Variants in EXOC4 observed in about 807,000 individuals in gnomAD.
The protein encoded by EXOC4 is SEC8-like 1.
Under a neutral mutation model 107.2 loss-of-function variants are expected in EXOC4, and 71 were observed. The observed-to-expected ratio is 0.66, with a 90% CI of 0.55 to 0.81. The LOEUF (loss-of-function observed/expected upper bound fraction) is 0.81. EXOC4 is among the 30% of genes least tolerant of loss of function. EXOC4 has a pLI of 0.00. For synonymous variants in EXOC4, 456 were observed against 441.2 expected (o/e 1.03, Z -0.42); for missense variants, 1,108 against 1,189.6 (o/e 0.93, Z 1.01).
intron 11 of EXOC4, among the ~76,000 whole-genome samples, chr7:133,861,063 C>T (rs1276954638): frequency 6.6e-6 from 1 of 152,134 alleles, no homozygotes; most frequent in Non-Finnish European, 1.5e-5. Context: ...AACAAAACAA[C>T]CTCATCAGCT....
At chr7:133,636,036 A>G (rs532909016) in intron 10 of EXOC4, among the ~76,000 whole-genome samples, 93 of 152,314 alleles carry the variant, frequency 6.1e-4, no homozygotes, top group African/African-American at 2.2e-3. Flanking sequence ...TATGAGAGAG[A>G]GAGAAACTAG....
chr7:133,263,362 T>TA (rs1793625136), intron 1 of EXOC4, among the ~76,000 whole-genome samples: 1 of 150,584 alleles, frequency 6.6e-6, no homozygotes, highest in South Asian at 2.1e-4. Context: ...ATATGTTTTT[T>TA]AAAAAAGCAT....
chr7:133,799,029 T>C (rs1430732149), intron 10 of EXOC4, among the ~76,000 whole-genome samples: 3 of 152,154 alleles, frequency 2.0e-5, no homozygotes, highest in Non-Finnish European at 4.4e-5. Context: ...ATCTCTGTCA[T>C]AGAGTTCCAG....
intron 12 of EXOC4, among the ~76,000 whole-genome samples, chr7:133,912,689 G>C (rs1593171): frequency 0.62 from 94,595 of 151,648 alleles, 31,952 homozygotes; most frequent in African/African-American, 0.9. Flanking sequence ...ACTAGGGACA[G>C]AAAAACTAAG....
In EXOC4 at chr7:133,792,569, A is replaced by AAAC. The variant is rs1377958120; in HGVS notation, c.1515-24754_1515-24753insCAA. Among the ~76,000 whole-genome samples the AAAC allele has an allele frequency of 7.3e-5, 11 of 151,490 alleles. 1 individual carries two copies. The highest frequency in any genetic ancestry group is 1.2e-4 in the African/African-American group (5 of 41,254). On this transcript the variant is annotated intron_variant, in intron 10 of 17. Transcript: ENST00000253861. ...CCCTGTCTCCAAAAAAAAAAAAAAAAAAAACCTAAAAGGTACTTTTTACAT... is the reference window on the plus strand; with the variant it reads ...CCCTGTCTCCAAAAAAAAAAAAAAAAAACAAAACCTAAAAGGTACTTTTTACAT...
chr7:134,025,576 C>T (rs1795121539), intron 17 of EXOC4, among the ~76,000 whole-genome samples: 1 of 152,168 alleles, frequency 6.6e-6, no homozygotes, highest in South Asian at 2.1e-4. Flanking sequence ...CTGGAGCATC[C>T]GGAATGGCTT....
rs5887629 is a variant in EXOC4 at position 133,446,015 on chromosome 7, T to TAA, written c.1183-29298_1183-29297dup. Among the ~76,000 whole-genome samples the TAA allele has an allele frequency of 4.1e-3, 581 of 141,904 alleles. 2 individuals are homozygous for TAA. The highest frequency in any genetic ancestry group is 9.2e-3 in the African/African-American group (357 of 38,660). The allele number at this position is 141,904 out of a possible 152,430, so 93.1% of individuals were successfully genotyped here. Reference sequence around the variant, plus strand: ...TGGGTGACAGAACGGAACCCTGTCTTAAAAAAAAAAAAAAAAGATGACTGA... The same window carrying TAA: ...TGGGTGACAGAACGGAACCCTGTCTTAAAAAAAAAAAAAAAAAAGATGACTGA... On this transcript the variant is annotated intron_variant, in intron 7 of 17. Transcript: ENST00000253861.
At chr7:133,879,721 G>A (rs1020191285) in intron 11 of EXOC4, among the ~76,000 whole-genome samples, 1 of 152,094 alleles carries the variant, frequency 6.6e-6, no homozygotes, top group Admixed American at 6.5e-5. Context: ...AGATTTTGAA[G>A]TATCATAGAC....
At chr7:133,739,874 C>A (rs762468990) in intron 10 of EXOC4, among the ~76,000 whole-genome samples, 3 of 152,136 alleles carry the variant, frequency 2.0e-5, no homozygotes, top group Non-Finnish European at 2.9e-5. Flanking sequence ...TCTCATAATA[C>A]CTGGATGATG....
chr7:133,346,496 A>C (rs1795786639), intron 5 of EXOC4, among the ~76,000 whole-genome samples: 1 of 152,170 alleles, frequency 6.6e-6, no homozygotes, highest in Admixed American at 6.5e-5. Flanking sequence ...TGGATATGTT[A>C]AGAGTGTGAA....
intron 6 of EXOC4, among the ~76,000 whole-genome samples, chr7:133,374,306 T>C (rs1584863909): frequency 6.6e-6 from 1 of 152,164 alleles, no homozygotes; most frequent in African/African-American, 2.4e-5. Flanking sequence ...GCTTGGCAGG[T>C]GTATGTTTTT....
chr7:134,100,887 T>C, the EXOC4 span, among the ~76,000 whole-genome samples: 4 of 126,610 alleles, frequency 3.2e-5, 1 homozygote, highest in Non-Finnish European at 5.2e-5. Flanking sequence ...GAGGTTGCAG[T>C]GAGCCGAGAT....
At chr7:133,564,321 A>G (rs1719638012) in intron 9 of EXOC4, among the ~76,000 whole-genome samples, 1 of 152,054 alleles carries the variant, frequency 6.6e-6, no homozygotes, top group Admixed American at 6.6e-5. Context: ...CACACTTTCA[A>G]ACAACCAAAT....
In EXOC4 at chr7:133,867,990, G is replaced by A. The variant is rs116559423; in HGVS notation, c.1735-27609G>A. On this transcript the variant is annotated intron_variant, in intron 11 of 17. Transcript: ENST00000253861. ...TATTTCATTAATGTGGTAAGCAAAT[G>A]ATTGCCAAGAACACAGAAGGTAAAA... Among the ~76,000 whole-genome samples, 369 of 152,308 alleles carry A rather than the reference G, an allele frequency of 2.4e-3. 5 individuals carry two copies. Among genetic ancestry groups the A allele is most frequent in the African/African-American group, 8.2e-3 (342 of 41,578 alleles).
intron 13 of EXOC4, among the ~76,000 whole-genome samples, chr7:133,918,957 A>G (rs1028412079): frequency 2.0e-5 from 3 of 152,244 alleles, no homozygotes; most frequent in South Asian, 2.1e-4. Flanking sequence ...AAATTGTGCA[A>G]CTGTAGACAA....
intron 10 of EXOC4, among the ~76,000 whole-genome samples, chr7:133,762,750 A>G (rs1238805951): frequency 6.6e-6 from 1 of 152,150 alleles, no homozygotes; most frequent in Non-Finnish European, 1.5e-5. Context: ...TTTTAATGAC[A>G]CTGGAAAACA....
intron 10 of EXOC4, among the ~76,000 whole-genome samples, chr7:133,769,362 A>G (rs537748287): frequency 1.6e-4 from 24 of 152,060 alleles, no homozygotes; most frequent in East Asian, 1.9e-4. Context: ...GAATTTGCCA[A>G]CCACCTACCC....
chr7:133,918,742 T>C (rs1306207223), intron 13 of EXOC4, among the ~76,000 whole-genome samples: 2 of 26,818 alleles, frequency 7.5e-5, no homozygotes, highest in Non-Finnish European at 1.3e-4. Context: ...CTGTCACTTA[T>C]AGAGCTGTGT....
At chr7:133,316,761 C>A (rs1795000032) in intron 4 of EXOC4, among the ~76,000 whole-genome samples, 1 of 152,054 alleles carries the variant, frequency 6.6e-6, no homozygotes, top group African/African-American at 2.4e-5. Flanking sequence ...TTGTGATTGT[C>A]CACGTCATGA....
Sources: gnomAD v4.1 joint callset for allele counts (sites outside exome capture counted in the v4.1 genomes callset) on GRCh38, gnomAD v4.1.1 for gene constraint, MANE v1.5 for transcripts, NCBI Gene and HGNC (gene_info 2026-07-23, HGNC 2026-07-21) for gene names.